SERHL2: variants seen among roughly 807,000 people sequenced by gnomAD.
The protein encoded by SERHL2 is serine hydrolase-like protein 2.
SERHL2 carries 29 observed loss-of-function variants against 25.5 expected under a neutral mutation model. The observed-to-expected ratio is 1.14, with a 90% CI of 0.85 to 1.55. The LOEUF is 1.55. Ranked by LOEUF, SERHL2 falls within the 40% of genes most tolerant of loss-of-function variation. The probability of loss-of-function intolerance (pLI) is 0.00; values close to 1 mark genes in which losing one functional copy is unlikely to be tolerated. For synonymous variants in SERHL2, 95 were observed against 103.5 expected (o/e 0.92, Z 0.50); for missense variants, 240 against 252.3 (o/e 0.95, Z 0.33).
At chr22:42,566,426 C>T (rs999995987) in intron 9 of SERHL2, 88 bp downstream of exon 9, 13 of 1,301,810 alleles carry the variant, frequency 1.0e-5, no homozygotes, top group Non-Finnish European at 1.3e-5. Context: ...GGCGTGGTGG[C>T]TCACGCCTGT....
intron 9 of SERHL2, chr22:42,569,299 T>A (rs1355650139): frequency 2.0e-5 from 3 of 151,754 alleles, no homozygotes; most frequent in Non-Finnish European, 2.9e-5. Context: ...TACTCTGTCA[T>A]CCAGGGTGGA....
intron 7 of SERHL2, among the ~76,000 whole-genome samples, chr22:42,559,257 T>A (rs1244971479): frequency 6.7e-5 from 6 of 89,588 alleles, no homozygotes; most frequent in East Asian, 1.2e-3. Flanking sequence ...AAAAAAAAAA[T>A]TAGCTGGTCG....
chr22:42,573,344 T>C (rs58986105), intron 11 of SERHL2: 6,441 of 150,660 alleles, frequency 0.043, 423 homozygotes, highest in African/African-American at 0.14. Context: ...CCCGGGTTCA[T>C]GCCATTCTCC....
At chr22:42,560,358 G>A (rs1014400976) in intron 8 of SERHL2, 93 bp downstream of exon 8, 6 of 923,180 alleles carry the variant, frequency 6.5e-6, no homozygotes, top group Non-Finnish European at 7.1e-6. Context: ...AGGATACTAA[G>A]CGCTTTGCAA....
chr22:42,573,900 G>A (rs1358723849), intron 11 of SERHL2, 36 bp from the exon 12 acceptor site: 1 of 1,592,672 alleles, frequency 6.3e-7, no homozygotes, highest in Admixed American at 1.7e-5. Flanking sequence ...AGGCTCCTCT[G>A]GCCACACCTC....
intron 9 of SERHL2, among the ~76,000 whole-genome samples, chr22:42,568,090 T>G (rs370076128): frequency 6.6e-6 from 1 of 151,898 alleles, no homozygotes; most frequent in East Asian, 1.9e-4. Flanking sequence ...CATGGCTCAA[T>G]TATGGCTCAC....
At chr22:42,562,796 C>T (rs1451283824) in intron 8 of SERHL2, among the ~76,000 whole-genome samples, 1 of 151,868 alleles carries the variant, frequency 6.6e-6, no homozygotes, top group Admixed American at 6.6e-5. Flanking sequence ...TAAGTTTAAG[C>T]CCCACAATAC....
chr22:42,560,336 C>A, intron 8 of SERHL2, 71 bp downstream of exon 8: 2 of 1,184,774 alleles, frequency 1.7e-6, no homozygotes, highest in South Asian at 1.2e-5. Context: ...AAGGACTTGC[C>A]TTAGACCAGG....
At chr22:42,566,466 G>A (rs1245219934) in intron 9 of SERHL2, 128 bp downstream of exon 9, 1 of 860,738 alleles carries the variant, frequency 1.2e-6, no homozygotes, top group Non-Finnish European at 1.9e-6. Flanking sequence ...GCTGAGGCAG[G>A]ACAATCGCTT....
chr22:42,573,003 C>A (rs1924452330), intron 11 of SERHL2, among the ~76,000 whole-genome samples: 1 of 151,818 alleles, frequency 6.6e-6, no homozygotes, highest in Admixed American at 6.6e-5. Context: ...CAAACCACAG[C>A]AGAATACCCG....
intron 11 of SERHL2, chr22:42,573,648 C>CA: frequency 2.4e-6 from 1 of 417,288 alleles, no homozygotes; most frequent in Non-Finnish European, 4.4e-6. Context: ...TCTTCTGATA[C>CA]AATCACAGCA....
chr22:42,561,794 C>A (rs1922716964), intron 8 of SERHL2, among the ~76,000 whole-genome samples: 1 of 151,830 alleles, frequency 6.6e-6, no homozygotes, highest in Admixed American at 6.6e-5. Flanking sequence ...TCTTCGTGAT[C>A]ATCTTGGCTG....
intron 11 of SERHL2, 139 bp downstream of exon 11, chr22:42,572,668 T>C: frequency 7.0e-7 from 1 of 1,426,894 alleles, no homozygotes; most frequent in Non-Finnish European, 9.2e-7. Flanking sequence ...CTATCAGGCC[T>C]CATGCTCCAC....
Sources: gnomAD v4.1 joint callset for allele counts (sites outside exome capture counted in the v4.1 genomes callset) on GRCh38, gnomAD v4.1.1 for gene constraint, MANE v1.5 for transcripts, NCBI Gene and HGNC (gene_info 2026-07-23, HGNC 2026-07-21) for gene names.